Variants in TEP1 observed in about 807,000 individuals in gnomAD.
TEP1 encodes telomerase associated protein 1.
Under a neutral mutation model 306.3 loss-of-function variants are expected in TEP1, and 241 were observed. That is an observed-to-expected ratio of 0.79 (90% CI 0.71 to 0.88). The LOEUF is 0.88. Among genes scored for constraint, TEP1 ranks in the 40% least tolerant of loss-of-function variants. TEP1 has a pLI of 0.00. For synonymous variants in TEP1, 1,289 were observed against 1,305.5 expected (o/e 0.99, Z 0.27); for missense variants, 3,051 against 3,276.1 (o/e 0.93, Z 1.68).
Position 20,384,651 on chromosome 14 carries a change from A to C in TEP1, c.3170T>G (p.Ile1057Ser). The C allele has an allele frequency of 6.2e-7, 1 of 1,613,938 alleles. No individual in the cohort carries two copies. Among genetic ancestry groups the C allele is most frequent in the Non-Finnish European group, 8.5e-7 (1 of 1,180,030 alleles). ...VSESEEAARR[I>S]SELKSYLSRQ... ...GCTTAGGTAGCTCTTCAGTTCTGAG[A>C]TCCGACGTGCGGCCTCTTCAGACTC... The change falls in exon 22 of 55, where the codon ATC (isoleucine) becomes AGC (serine). Residue 1057 changes from isoleucine to serine, a missense_variant. Around this residue, in one of 3 missense-constraint regions of TEP1, gnomAD observed 1,507 missense variants for 1,550.5 expected, o/e 0.97. Transcript: ENST00000262715.
chr14:20,395,099 A>G (rs945009), intron 12 of TEP1, among the ~76,000 whole-genome samples: 48,861 of 152,128 alleles, frequency 0.32, 8,572 homozygotes, highest in Non-Finnish European at 0.4. Context: ...AAGAAAAACA[A>G]ACATGTCACA....
chr14:20,393,622 T>C (rs1215928896), intron 12 of TEP1, among the ~76,000 whole-genome samples: 1 of 151,856 alleles, frequency 6.6e-6, no homozygotes, highest in African/African-American at 2.4e-5. Flanking sequence ...TGAAACCCTG[T>C]CTCTACTAAA....
intron 7 of TEP1, among the ~76,000 whole-genome samples, chr14:20,402,415 T>C (rs1878827410): frequency 6.6e-6 from 1 of 152,230 alleles, no homozygotes; most frequent in African/African-American, 2.4e-5. Flanking sequence ...AAAGACGAGT[T>C]GACCAACTGA....
chr14:20,398,709 T>C (rs1297606738), intron 9 of TEP1, among the ~76,000 whole-genome samples: 1 of 152,128 alleles, frequency 6.6e-6, no homozygotes, highest in Non-Finnish European at 1.5e-5. Context: ...TTTCTTTTCC[T>C]GGACAGAGGT....
At chr14:20,400,492 T>C (rs1444842339) in intron 9 of TEP1, among the ~76,000 whole-genome samples, 1 of 56,508 alleles carries the variant, frequency 1.8e-5, no homozygotes, top group Non-Finnish European at 4.5e-5. Context: ...TAGGTAAAAG[T>C]AGACCAAAAA....
Position 20,367,801 on chromosome 14 carries a change from G to C in TEP1, c.*636C>G, listed in dbSNP as rs559808274. 6.6e-6 allele frequency: 1 copy of C among 152,144 alleles called. No homozygotes were observed. The highest frequency in any genetic ancestry group is 1.5e-5 in the Non-Finnish European group (1 of 68,138). The allele number at this position is 152,144 out of a possible 1,614,324, so 9.4% of individuals were successfully genotyped here. On this transcript the variant is annotated 3_prime_UTR_variant, in exon 55 of 55. Transcript: ENST00000262715. ...CTTTTTGTATTTTTTAGTAGAGACA[G>C]GGTTTCACTATGTTAGCCAGGATGG...
rs1354724637 is a variant in TEP1, at chr14:20,406,369, C to T, written c.599G>A (p.Gly200Glu). 4 of 1,614,142 alleles carry T rather than the reference C, an allele frequency of 2.5e-6. No individual in the cohort carries two copies. Among genetic ancestry groups the T allele is most frequent in the Non-Finnish European group, 8.5e-7 (1 of 1,180,014 alleles). ...ATAAGAAGGCATTTGGGTCTCTGCC[C>T]CTTTCTTCTCTTCTGAATCAAACCA... ...GRWFDSEEKK[G>E]AETQMPSYSL... Residue 200 changes from glycine (G) to glutamate (E), a missense_variant, in exon 3 of 55, where the codon GGG becomes GAG. By Grantham distance (98) the Gly-to-Glu change is moderately conservative (BLOSUM62 -2). Transcript: ENST00000262715.
At position 20,376,237 on chromosome 14, in the gene TEP1, C is replaced by A; in HGVS notation, c.6116G>T (p.Arg2039Met). ...SEDFTVQLWP[R>M]QLLTRPHKAE... ...CTTGTGTGGCCGCGTCAGCAGCTGC[C>A]TTGGCCACAGCTGCACTGTGAAATC... Residue 2039 changes from arginine to methionine, a missense_variant, in exon 42 of 55, where the codon AGG becomes ATG. Arg to Met is a moderately conservative substitution (Grantham distance 91). This residue lies in a region of TEP1 where 1,540 missense variants were observed against 1,705.9 expected (regional missense o/e 0.90). Coordinates refer to ENST00000262715, the MANE Select transcript of TEP1 (RefSeq NM_007110.5). 1 of 1,614,166 alleles carries A rather than the reference C, an allele frequency of 6.2e-7. No individual in the cohort carries two copies. The highest frequency in any genetic ancestry group is 1.1e-5 in the South Asian group (1 of 91,080).
At chr14:20,405,651 C>T in intron 3 of TEP1, 66 bp from the exon 4 acceptor site, 2 of 1,568,020 alleles carry the variant, frequency 1.3e-6, no homozygotes, top group Non-Finnish European at 1.7e-6. Context: ...AGCATCCATG[C>T]AGACTAACTT....
chr14:20,380,592 C>T (rs1399578104), intron 33 of TEP1, 117 bp from the exon 34 acceptor site: 2 of 1,423,446 alleles, frequency 1.4e-6, no homozygotes, highest in Non-Finnish European at 1.8e-6. Flanking sequence ...GCCCTCTGGC[C>T]CTATATCAGG....
At chr14:20,393,736 G>A in intron 12 of TEP1, among the ~76,000 whole-genome samples, 1 of 151,760 alleles carries the variant, frequency 6.6e-6, no homozygotes, top group African/African-American at 2.4e-5. Flanking sequence ...GGGTTGCAGT[G>A]AGCTGAGATC....
chr14:20,386,651 G>C, intron 18 of TEP1, 28 bp from the exon 19 acceptor site: 1 of 1,544,732 alleles, frequency 6.5e-7, no homozygotes, highest in Non-Finnish European at 8.8e-7. Context: ...GCTGGGCTCA[G>C]TCTAGGGATG....
In TEP1 at chr14:20,411,535, T is replaced by C. The variant is rs151113456; in HGVS notation, c.-25+1870A>G. Among the ~76,000 whole-genome samples, 80 of 152,336 alleles carry C rather than the reference T, an allele frequency of 5.3e-4. No individual in the cohort carries two copies. The East Asian group carries it at 0.015, about 29-fold the overall frequency. Reference sequence around the variant, plus strand: ...CACAACACCCATATGTCCCCTATCATAGAGCACATCACCTGTTTGTCTTTC... The same window carrying C: ...CACAACACCCATATGTCCCCTATCACAGAGCACATCACCTGTTTGTCTTTC... On this transcript the variant is annotated intron_variant, in intron 1 of 54. Transcript: ENST00000262715.
At chr14:20,398,208 T>C (rs562441180) in intron 9 of TEP1, among the ~76,000 whole-genome samples, 4 of 151,910 alleles carry the variant, frequency 2.6e-5, no homozygotes, top group Non-Finnish European at 4.4e-5. Context: ...TGAAACCCCA[T>C]CTCTACTAAA....
chr14:20,380,257 G>T lies in TEP1; in HGVS notation c.4981C>A (p.Arg1661=). The change falls in exon 34 of 55, where the codon CGG becomes AGG. Residue 1661 remains arginine (R), a synonymous_variant. Coordinates refer to ENST00000262715, the MANE Select transcript of TEP1 (RefSeq NM_007110.5). ...QHTLRWLNKP[R]TMKNQQSSSL... is the part of the protein sequence containing the mutation. ...TACCTTTGCTGATTTTTCATGGTCC[G>T]GGGTTTATTAAGCCATCGTAGTGTG... 2 of 1,614,070 alleles carry T rather than the reference G, an allele frequency of 1.2e-6. No individual in the cohort carries two copies. Among genetic ancestry groups the T allele is most frequent in the South Asian group, 2.2e-5 (2 of 91,074 alleles).
At position 20,407,872 on chromosome 14, in the gene TEP1, C is replaced by T. The variant is rs1483808299; in HGVS notation, c.567+1G>A. Reference sequence around the variant, plus strand: ...TCAAGATGAGTGCCTGGAGCTATTACCAAAGTTGCTTCCTGAGCTGTCTCT... The same window carrying T: ...TCAAGATGAGTGCCTGGAGCTATTATCAAAGTTGCTTCCTGAGCTGTCTCT... On this transcript the variant is annotated splice_donor_variant, in intron 2 of 54. Transcript: ENST00000262715. LOFTEE classifies it high-confidence loss of function. The T allele has an allele frequency of 3.2e-6, 5 of 1,586,696 alleles. No homozygotes were observed. In the African/African-American group the frequency reaches 5.4e-5, roughly 17 times the overall value.
rs1884611765 is a variant in TEP1 at position 20,368,548 on chromosome 14, G to C, written c.7773C>G (p.Phe2591Leu). 6.2e-7 allele frequency: 1 copy of C among 1,614,134 alleles called. No individual in the cohort carries two copies. The part of the protein sequence containing the change: ...ERPSMQLLGL[F>L]RCEGSVSCLE... ...GGCAGCTCACTGACCCTTCGCATCG[G>C]AACAGGCCCAGCTACGATGGGAACA... is the stretch of plus-strand genomic sequence containing the variant. Residue 2591 changes from phenylalanine to leucine, a missense_variant, in exon 55 of 55, where the codon TTC becomes TTG. Physicochemically the swap from Phe to Leu is conservative, Grantham distance 22. Transcript: ENST00000262715.
intron 12 of TEP1, among the ~76,000 whole-genome samples, chr14:20,392,825 C>T (rs951925115): frequency 6.6e-6 from 1 of 151,870 alleles, no homozygotes; most frequent in African/African-American, 2.4e-5. Flanking sequence ...TTTAAAGAAA[C>T]ACACATGAAA....
Position 20,395,877 on chromosome 14 carries a change from C to T in TEP1, c.1732G>A (p.Ala578Thr). 6.2e-7 allele frequency: 1 copy of T among 1,613,882 alleles called. No homozygotes were observed. The highest frequency in any genetic ancestry group is 8.5e-7 in the Non-Finnish European group (1 of 1,179,932). ...AGAATACCTTGATTTCTGAGTTGAGCCTCGAGGGCATCAATGGCATCATGG... is the reference window on the plus strand; with the variant it reads ...AGAATACCTTGATTTCTGAGTTGAGTCTCGAGGGCATCAATGGCATCATGG... ...NAHDAIDALEAQLRNQALPFP... is the reference protein window; with the variant it reads ...NAHDAIDALETQLRNQALPFP... The change falls in exon 11 of 55, where the codon GCT becomes ACT. Residue 578 changes from alanine to threonine, a missense_variant. This residue lies in a region of TEP1 where 1,507 missense variants were observed against 1,550.5 expected (regional missense o/e 0.97). Transcript: ENST00000262715.
Sources: allele counts gnomAD v4.1 joint callset (sites outside exome capture counted in the v4.1 genomes callset), GRCh38; gene constraint gnomAD v4.1.1; regional missense constraint gnomAD v4.1.1; transcripts MANE v1.5; gene names NCBI Gene and HGNC (gene_info 2026-07-23, HGNC 2026-07-21).